FAT2: variants seen among roughly 807,000 people sequenced by gnomAD.
FAT2 encodes the protein FAT atypical cadherin 2.
In FAT2, 150 loss-of-function variants were observed where a neutral mutation model predicts 295.3. That is an observed-to-expected ratio of 0.51 (90% CI 0.44 to 0.58). The LOEUF is 0.58. Among genes scored for constraint, FAT2 ranks in the 20% least tolerant of loss-of-function variants. The pLI is 0.00. For missense variants in FAT2, 4,868 were observed against 5,442.7 expected (o/e 0.89, Z 3.32); for synonymous variants, 2,026 against 2,150.3 (o/e 0.94, Z 1.60).
intron 14 of FAT2, among the ~76,000 whole-genome samples, chr5:151,530,831 G>A (rs1451803902): frequency 2.0e-5 from 3 of 152,218 alleles, no homozygotes; most frequent in Non-Finnish European, 4.4e-5. Flanking sequence ...GGTCTCTGCA[G>A]ATGATTACTG....
At position 151,568,816 on chromosome 5, in the gene FAT2, T is replaced by C; in HGVS notation, c.116A>G (p.Asn39Ser). ...AGAAGAATTTTCATAGATGGTGGCA[T>C]TGTAATGGGAGTGTGTGAAGTGCCA... is the stretch of plus-strand genomic sequence containing the variant. ...SAWHFTHSHYNATIYENSSPK... is the reference protein window; with the variant it reads ...SAWHFTHSHYSATIYENSSPK... Residue 39 changes from asparagine (N) to serine (S), a missense_variant, in exon 2 of 24, where the codon AAT becomes AGT. Asn to Ser is a conservative substitution (Grantham distance 46). This residue lies in a region of FAT2 where 3,297 missense variants were observed against 3,669.4 expected (regional missense o/e 0.90). Transcript: ENST00000261800. 2 of 1,614,010 alleles carry C rather than the reference T, an allele frequency of 1.2e-6. No individual in the cohort carries two copies. Among genetic ancestry groups the C allele is most frequent in the South Asian group, 2.2e-5 (2 of 91,048 alleles).
At chr5:151,516,171 A>G (rs1345692687) in intron 20 of FAT2, among the ~76,000 whole-genome samples, 1 of 152,154 alleles carries the variant, frequency 6.6e-6, no homozygotes, top group East Asian at 1.9e-4. Context: ...TTGCTCAATT[A>G]TTATCTCAAT....
Position 151,505,540 on chromosome 5 carries a change from C to T in FAT2, c.*25G>A. The stretch of plus-strand genomic sequence containing the variant: ...GCCAAGTCCAGTCCTTGGCCTCCCG[C>T]CTGCCTTGCTCTGGGAATGGGAAGC... On this transcript the variant is annotated 3_prime_UTR_variant, in exon 24 of 24. Coordinates refer to ENST00000261800, the MANE Select transcript of FAT2 (RefSeq NM_001447.3). 6.2e-7 allele frequency: 1 copy of T among 1,613,676 alleles called. No homozygotes were observed. The highest frequency in any genetic ancestry group is 8.5e-7 in the Non-Finnish European group (1 of 1,179,886).
At chr5:151,560,078 TC>T (rs2127638900) in intron 3 of FAT2, among the ~76,000 whole-genome samples, 1 of 152,308 alleles carries the variant, frequency 6.6e-6, no homozygotes, top group South Asian at 2.1e-4. Context: ...TGTTGTTGAT[TC>T]CACCTGTGAT....
rs202003550 is a variant in FAT2 at position 151,567,201 on chromosome 5, C to A, written c.1731G>T (p.Trp577Cys). ...TAGTCATTATCGATTTCCCTACTGG[C>A]CAGTCTTGGCGGATAGACCCTGTAC... ...VNCTGSIRQD[W>C]PVGKSIMTMS... The change falls in exon 2 of 24, where the codon TGG (tryptophan) becomes TGT (cysteine). Residue 577 changes from tryptophan (W) to cysteine (C), a missense_variant. This residue lies in a region of FAT2 where 3,297 missense variants were observed against 3,669.4 expected (regional missense o/e 0.90). Coordinates refer to ENST00000261800, the MANE Select transcript of FAT2 (RefSeq NM_001447.3). 6.8e-5 allele frequency: 110 copies of A among 1,614,184 alleles called. 1 individual carries two copies. Among genetic ancestry groups the A allele is most frequent in the South Asian group, 3.3e-4 (30 of 91,088 alleles).
Position 151,521,340 on chromosome 5 carries a change from G to A in FAT2, c.11253C>T (p.Tyr3751=), listed in dbSNP as rs2127579250. Reference sequence around the variant, plus strand: ...TTAGGATGCTGAGCCTGGCGGTGCTGTACGTGGGCCCAACCTTGGGGTCCA... The same window carrying A: ...TTAGGATGCTGAGCCTGGCGGTGCTATACGTGGGCCCAACCTTGGGGTCCA... ...VHLDPKVGPT[Y]STARLSILTP... The change falls in exon 19 of 24, where the codon TAC becomes TAT. Residue 3751 remains tyrosine (Y), a synonymous_variant. Transcript: ENST00000261800. 1 of 1,614,188 alleles carries A rather than the reference G, an allele frequency of 6.2e-7. No individual in the cohort carries two copies. Among genetic ancestry groups the A allele is most frequent in the Non-Finnish European group, 8.5e-7 (1 of 1,179,998 alleles).
At chr5:151,513,354 C>CAACA (rs1405967301) in intron 20 of FAT2, among the ~76,000 whole-genome samples, 2 of 152,154 alleles carry the variant, frequency 1.3e-5, no homozygotes, top group Admixed American at 1.3e-4. Flanking sequence ...AGATGCTCAA[C>CAACA]AACAGTGGGC....
rs1581349181 is a variant in FAT2, at chr5:151,531,914, T to C, written c.9484A>G (p.Ile3162Val). The C allele has an allele frequency of 6.2e-7, 1 of 1,614,118 alleles. No homozygotes were observed. Among genetic ancestry groups the C allele is most frequent in the Non-Finnish European group, 8.5e-7 (1 of 1,180,022 alleles). Residue 3162 changes from isoleucine (I) to valine (V), a missense_variant, in exon 14 of 24, where the codon ATC (isoleucine) becomes GTC (valine). Transcript: ENST00000261800. This position sits in a 1 kb window ranked among gnomAD's most constrained non-coding sequence, Gnocchi z 5.7. ...CGGATCACCCCCGTGGTGGCGTCGA[T>C]GGAAAAGTGGCCTTCGGCTGAATCC... The part of the protein sequence containing the change: ...LPDSAEGHFS[I>V]DATTGVIRLE...
At position 151,565,916 on chromosome 5, in the gene FAT2, T is replaced by C. The variant is rs2127644812; in HGVS notation, c.3016A>G (p.Arg1006Gly). 6.2e-7 allele frequency: 1 copy of C among 1,613,908 alleles called. No individual in the cohort carries two copies. Among genetic ancestry groups the C allele is most frequent in the Non-Finnish European group, 8.5e-7 (1 of 1,179,986 alleles). Residue 1006 changes from arginine (R) to glycine (G), a missense_variant, in exon 2 of 24, where the codon AGG (arginine) becomes GGG (glycine). Arg to Gly is a moderately radical substitution (Grantham distance 125, BLOSUM62 -2). This residue lies in a region of FAT2 where 3,297 missense variants were observed against 3,669.4 expected (regional missense o/e 0.90). Coordinates refer to ENST00000261800, the MANE Select transcript of FAT2 (RefSeq NM_001447.3). The part of the protein sequence containing the change: ...NLSLWASDGG[R>G]PLARRTLCHV... ...CAGAGAGTCCTGCGGGCTAGGGGCC[T>C]CCCACCATCACTGGCCCACAGGCTC... is the stretch of plus-strand genomic sequence containing the variant.
At chr5:151,547,046 A>G (rs1194030120) in intron 9 of FAT2, among the ~76,000 whole-genome samples, 1 of 152,186 alleles carries the variant, frequency 6.6e-6, no homozygotes, top group East Asian at 1.9e-4. Context: ...ATGTTACACT[A>G]TTATTTAATT....
chr5:151,548,571 C>A (rs960376771), intron 9 of FAT2, among the ~76,000 whole-genome samples: 19 of 152,100 alleles, frequency 1.2e-4, no homozygotes, highest in Admixed American at 7.9e-4. Flanking sequence ...ACCTCTGCCT[C>A]CCAGGTTCAA....
At chr5:151,533,228 G>C (rs1754848503) in intron 13 of FAT2, among the ~76,000 whole-genome samples, 1 of 152,116 alleles carries the variant, frequency 6.6e-6, no homozygotes, top group African/African-American at 2.4e-5. Context: ...CTGGAGGTGT[G>C]TAAGCAGTGG....
At chr5:151,533,373 C>T (rs1335063644) in intron 13 of FAT2, among the ~76,000 whole-genome samples, 1 of 149,078 alleles carries the variant, frequency 6.7e-6, no homozygotes, top group East Asian at 2.0e-4. Context: ...AAGTCTATTC[C>T]ACTTGCACTT....
In FAT2 at chr5:151,568,891, T is replaced by C; in HGVS notation, c.41A>G (p.His14Arg). Residue 14 changes from histidine to arginine, a missense_variant, in exon 2 of 24, where the codon CAT becomes CGT. His to Arg is a conservative substitution (Grantham distance 29). Around this residue, in one of 5 missense-constraint regions of FAT2, gnomAD observed 3,297 missense variants for 3,669.4 expected, o/e 0.90. Coordinates refer to ENST00000261800, the MANE Select transcript of FAT2 (RefSeq NM_001447.3). ...ALLGFAIFLL[H>R]CATCEKPLEG... Reference sequence around the variant, plus strand: ...TAGAGGCTTCTCACAGGTCGCACAATGGAGCAAGAATATGGCAAAACCCAG... The same window carrying C: ...TAGAGGCTTCTCACAGGTCGCACAACGGAGCAAGAATATGGCAAAACCCAG... 6.2e-7 allele frequency: 1 copy of C among 1,613,448 alleles called. No homozygotes were observed. The highest frequency in any genetic ancestry group is 1.1e-5 in the South Asian group (1 of 90,954).
chr5:151,571,527 G>A (rs940913471), intron 1 of FAT2, among the ~76,000 whole-genome samples: 2 of 152,238 alleles, frequency 1.3e-5, no homozygotes, highest in African/African-American at 4.8e-5. Flanking sequence ...TGAGCTGTAG[G>A]GAAGGGGAAG....
At position 151,567,643 on chromosome 5, in the gene FAT2, T is replaced by C; in HGVS notation, c.1289A>G (p.Gln430Arg). The C allele has an allele frequency of 6.2e-7, 1 of 1,614,186 alleles. No individual in the cohort carries two copies. ...GCCCGGTGAGGTTCTGATGTGTAGCTGATAGTGGGCTCTGTCGTGGAAGTC... is the reference window on the plus strand; with the variant it reads ...GCCCGGTGAGGTTCTGATGTGTAGCCGATAGTGGGCTCTGTCGTGGAAGTC... ...LMDFHDRAHYQLHIRTSPGQA... is the reference protein window; with the variant it reads ...LMDFHDRAHYRLHIRTSPGQA... The change falls in exon 2 of 24, where the codon CAG (glutamine) becomes CGG (arginine). Residue 430 changes from glutamine (Q) to arginine (R), a missense_variant. Gln to Arg is a conservative substitution (Grantham distance 43, BLOSUM62 1). Transcript: ENST00000261800.
intron 1 of FAT2, among the ~76,000 whole-genome samples, chr5:151,587,870 C>T (rs1030999160): frequency 6.6e-6 from 1 of 152,158 alleles, no homozygotes; most frequent in African/African-American, 2.4e-5. Flanking sequence ...GGCAGTTGTG[C>T]AGAGTAGAAG....
chr5:151,563,992 G>A (rs1758138371), intron 2 of FAT2, among the ~76,000 whole-genome samples: 1 of 152,174 alleles, frequency 6.6e-6, no homozygotes, highest in South Asian at 2.1e-4. Flanking sequence ...TGTAAGTGAG[G>A]TTTTCTTATA....
chr5:151,505,919 C>A lies in FAT2; in HGVS notation c.12696G>T (p.Met4232Ile). The A allele has an allele frequency of 6.3e-7, 1 of 1,588,554 alleles. No homozygotes were observed. Among genetic ancestry groups the A allele is most frequent in the Non-Finnish European group, 8.6e-7 (1 of 1,169,388 alleles). Residue 4232 changes from methionine to isoleucine, a missense_variant, in exon 24 of 24, where the codon ATG becomes ATT. This residue lies in a region of FAT2 where 492 missense variants were observed against 482.6 expected (regional missense o/e 1.02). Transcript: ENST00000261800. ...LYGGFPFPLE[M>I]ENKRAPLPPR... ...GTGGGAGAGGTGCCCGCTTGTTTTC[C>A]ATCTCCAGGGGGAAGGGGAAGCCCC... is the stretch of plus-strand genomic sequence containing the variant.
Sources: allele counts gnomAD v4.1 joint callset (sites outside exome capture counted in the v4.1 genomes callset), GRCh38; gene constraint gnomAD v4.1.1; regional missense constraint gnomAD v4.1.1; non-coding constraint Gnocchi (gnomAD v3.1); transcripts MANE v1.5; gene names NCBI Gene and HGNC (gene_info 2026-07-23, HGNC 2026-07-21).